Variants in CCNH observed in about 807,000 individuals in gnomAD.
CCNH encodes cyclin-H.
A neutral mutation model predicts 41.9 loss-of-function variants in CCNH; 31 were observed. The observed-to-expected ratio is 0.74, with a 90% CI of 0.56 to 1.00. The LOEUF is 1.00. Ranked by LOEUF, CCNH falls within the 50% of genes least tolerant of loss-of-function variation. The pLI is 0.00. For synonymous variants in CCNH, 138 were observed against 136.1 expected, an observed-to-expected ratio of 1.01 and a Z score of -0.10; for missense variants, 362 against 388.4, an observed-to-expected ratio of 0.93 and a Z score of 0.57.
At chr5:87,328,721 ATC>A (rs1437176171) in intron 9 of CCNH, among the ~76,000 whole-genome samples, 1 of 152,134 alleles carries the variant, frequency 6.6e-6, no homozygotes, top group Non-Finnish European at 1.5e-5. Context: ...GGGACTCTGA[ATC>A]TCTCAGTAGG....
intron 9 of CCNH, among the ~76,000 whole-genome samples, chr5:87,344,385 C>G (rs935226907): frequency 1.3e-5 from 2 of 152,098 alleles, no homozygotes; most frequent in Admixed American, 6.6e-5. Context: ...TACTGATTCT[C>G]CACCTTTACC....
intron 9 of CCNH, among the ~76,000 whole-genome samples, chr5:87,337,107 C>T (rs1254030056): frequency 6.6e-6 from 1 of 151,942 alleles, no homozygotes; most frequent in Non-Finnish European, 1.5e-5. Context: ...GTTATAGATA[C>T]AGGGTTAATG....
chr5:87,338,536 A>ATATATATATATATTTTT, intron 9 of CCNH, among the ~76,000 whole-genome samples: 11 of 85,214 alleles, frequency 1.3e-4, no homozygotes, highest in Admixed American at 7.8e-4. Flanking sequence ...TATATATAAA[A>ATATATATATATATTTTT]TTTTTTTTTT....
chr5:87,352,512 G>A (rs1033879292), intron 9 of CCNH, among the ~76,000 whole-genome samples: 2 of 151,300 alleles, frequency 1.3e-5, no homozygotes, highest in Non-Finnish European at 3.0e-5. Context: ...AAAATACGTG[G>A]TTCACTAAAA....
chr5:87,325,936 C>T (rs1468168134), intron 9 of CCNH, among the ~76,000 whole-genome samples: 4 of 152,128 alleles, frequency 2.6e-5, no homozygotes, highest in African/African-American at 9.7e-5. Flanking sequence ...TAAGGCCCTT[C>T]GGATGTGTTC....
intron 1 of CCNH, chr5:87,412,244 T>G (rs775513373): frequency 5.0e-5 from 11 of 221,884 alleles, no homozygotes; most frequent in Non-Finnish European, 7.2e-5. Flanking sequence ...TTCGGCCACA[T>G]ACGACCACAA....
chr5:87,347,177 T>G (rs1415701552), intron 9 of CCNH, among the ~76,000 whole-genome samples: 1 of 152,050 alleles, frequency 6.6e-6, no homozygotes, highest in African/African-American at 2.4e-5. Flanking sequence ...CATAATTAAC[T>G]AGTCTTCAGT....
chr5:87,379,270 G>C (rs1761538569), upstream of CCNH, among the ~76,000 whole-genome samples: 3 of 152,150 alleles, frequency 2.0e-5, no homozygotes, highest in Non-Finnish European at 4.4e-5. Context: ...TGACACAGAA[G>C]TGCAGCAGGT....
At chr5:87,404,210 G>A (rs1023334216) in intron 5 of CCNH, among the ~76,000 whole-genome samples, 34 of 152,066 alleles carry the variant, frequency 2.2e-4, no homozygotes, top group African/African-American at 8.0e-4. Context: ...TTTCTGCAAG[G>A]GAACACAAAT....
At chr5:87,386,991 T>C (rs775551076), downstream of CCNH, 10 of 1,234,892 alleles carry the variant, frequency 8.1e-6, no homozygotes, top group Non-Finnish European at 9.3e-6. Flanking sequence ...TTTAGAAAGA[T>C]TTTCTATCCA....
intron 9 of CCNH, among the ~76,000 whole-genome samples, chr5:87,369,642 AAAAT>A (rs2112474295): frequency 6.6e-6 from 1 of 152,198 alleles, no homozygotes; most frequent in African/African-American, 2.4e-5. Flanking sequence ...AAAGTTTTCT[AAAAT>A]ATATATAGCT....
chr5:87,358,527 T>G (rs2112445425), intron 9 of CCNH, among the ~76,000 whole-genome samples: 1 of 152,348 alleles, frequency 6.6e-6, no homozygotes, highest in South Asian at 2.1e-4. Context: ...GTCTAGAATA[T>G]GACCACCACC....
intron 9 of CCNH, among the ~76,000 whole-genome samples, chr5:87,328,935 CTAAG>C (rs1195456222): frequency 6.6e-6 from 1 of 151,448 alleles, no homozygotes; most frequent in Non-Finnish European, 1.5e-5. Context: ...ATCAAATCAA[CTAAG>C]TAAATATTTA....
intron 9 of CCNH, chr5:87,349,185 G>C: frequency 6.2e-7 from 1 of 1,608,298 alleles, no homozygotes; most frequent in Non-Finnish European, 8.5e-7. Context: ...TTGATAATTA[G>C]GGAAAAACTA....
chr5:87,383,168 G>A (rs1451686585), intron 9 of CCNH, among the ~76,000 whole-genome samples: 1 of 152,044 alleles, frequency 6.6e-6, no homozygotes, highest in East Asian at 1.9e-4. Context: ...TGATCAATAA[G>A]TCACTTTTTC....
rs201702719 is a variant in CCNH, at chr5:87,395,119, C to T, written c.873-15G>A. 2 of 1,605,926 alleles carry T rather than the reference C, an allele frequency of 1.2e-6. No individual in the cohort carries two copies. The highest frequency in any genetic ancestry group is 1.7e-6 in the Non-Finnish European group (2 of 1,175,200). On this transcript the variant is annotated splice_polypyrimidine_tract_variant and intron_variant, in intron 7 of 8. Transcript: ENST00000256897. ...TCCTCTTCTTCCTATAATTAAGCAA[C>T]TATCAATAAGCAATCCAATACCAGC... is the stretch of plus-strand genomic sequence containing the variant.
chr5:87,393,380 A>G (rs1176669569), downstream of CCNH: 8 of 152,150 alleles, frequency 5.3e-5, no homozygotes. Context: ...ACTGAATACT[A>G]GTGTATGCAG....
chr5:87,344,955 T>C (rs761595524), intron 9 of CCNH, among the ~76,000 whole-genome samples: 1 of 152,152 alleles, frequency 6.6e-6, no homozygotes, highest in Non-Finnish European at 1.5e-5. Context: ...GGTACCCTTC[T>C]CTGTTACTCC....
upstream of CCNH, chr5:87,379,821 A>T (rs771835302): frequency 1.2e-6 from 2 of 1,612,814 alleles, no homozygotes; most frequent in Non-Finnish European, 1.7e-6. Context: ...TTGTGGAGAA[A>T]ATATTCATGG....
Sources: gnomAD v4.1 joint callset for allele counts (sites outside exome capture counted in the v4.1 genomes callset) on GRCh38, gnomAD v4.1.1 for gene constraint, MANE v1.5 for transcripts, NCBI Gene and HGNC (gene_info 2026-07-23, HGNC 2026-07-21) for gene names.